The following CBY1 variants were observed in gnomAD, a reference collection of about 807,000 sequenced individuals.
CBY1 encodes chibby 1, beta catenin antagonist, also known as protein chibby homolog 1.
A neutral mutation model predicts 15.6 loss-of-function variants in CBY1; 10 were observed. The observed-to-expected ratio is 0.64, with a 90% CI of 0.40 to 1.09. The LOEUF is 1.09. CBY1 is among the 50% of genes least tolerant of loss of function. CBY1 has a pLI of 0.01. For missense variants in CBY1, 150 were observed against 160.5 expected (o/e 0.93, Z 0.35); for synonymous variants, 61 against 63.5 (o/e 0.96, Z 0.19).
At chr22:38,667,014 A>C (rs561618808) in intron 1 of CBY1, among the ~76,000 whole-genome samples, 36 of 101,412 alleles carry the variant, frequency 3.5e-4, no homozygotes, top group Admixed American at 8.0e-4. Context: ...TTCTTTCTTT[A>C]TTTTTTTTTT....
chr22:38,666,895 G>A (rs1366788943), intron 1 of CBY1, among the ~76,000 whole-genome samples: 1 of 151,780 alleles, frequency 6.6e-6, no homozygotes, highest in African/African-American at 2.4e-5. Flanking sequence ...GTAGAGACAG[G>A]GTTTCACCAC....
chr22:38,672,319 T>A (rs1192265610), intron 4 of CBY1, among the ~76,000 whole-genome samples: 1 of 151,772 alleles, frequency 6.6e-6, no homozygotes, highest in Non-Finnish European at 1.5e-5. Flanking sequence ...TTATTTTTAT[T>A]TTTATTTATT....
chr22:38,668,302 G>A, intron 2 of CBY1, 170 bp downstream of exon 2: 5 of 553,866 alleles, frequency 9.0e-6, no homozygotes, highest in East Asian at 3.1e-5. Context: ...GGGAATGATC[G>A]TCAGAGCTTG....
chr22:38,673,390 G>C lies in CBY1; in HGVS notation c.*154G>C. 1 of 570,416 alleles carries C rather than the reference G, an allele frequency of 1.8e-6. No individual in the cohort carries two copies. The highest frequency in any genetic ancestry group is 3.2e-6 in the Non-Finnish European group (1 of 308,286). The allele number at this position is 570,416 out of a possible 1,614,324, so 35.3% of individuals were successfully genotyped here. ...GCAATAGAAGGTGACATGGAATGGA[G>C]AAAACCAAGATTCCAGATGGGGATA... On this transcript the variant is annotated 3_prime_UTR_variant, in exon 5 of 5. Coordinates refer to ENST00000216029, the MANE Select transcript of CBY1 (RefSeq NM_015373.4).
At chr22:38,673,125 T>TGCTGCTTGCTAACAGCC in intron 4 of CBY1, 34 bp from the exon 5 acceptor site, 1 of 1,497,014 alleles carries the variant, frequency 6.7e-7, no homozygotes, top group Non-Finnish European at 9.3e-7. Context: ...CCTAGAAATG[T>TGCTGCTTGCTAACAGCC]GCTGCTTGCT....
At chr22:38,662,944 A>G (rs2092425986) in intron 1 of CBY1, among the ~76,000 whole-genome samples, 1 of 151,940 alleles carries the variant, frequency 6.6e-6, no homozygotes, top group African/African-American at 2.4e-5. Context: ...ACATGGCGAA[A>G]CACCATCTCT....
intron 1 of CBY1, chr22:38,657,054 A>T: frequency 3.5e-6 from 3 of 866,058 alleles, no homozygotes; most frequent in Non-Finnish European, 4.2e-6. Context: ...TCTGCGTAAC[A>T]TGGCTACCTC....
Position 38,670,925 on chromosome 22 carries a change from C to T in CBY1, c.120C>T (p.Tyr40=), listed in dbSNP as rs896550483. The change falls in exon 3 of 5, where the codon TAC becomes TAT. Residue 40 remains tyrosine (Y), a synonymous_variant. Coordinates refer to ENST00000216029, the MANE Select transcript of CBY1 (RefSeq NM_015373.4). ...STREVELGLE[Y]GSPTMNLAGQ... is the part of the protein sequence containing the mutation. ...GGGAGGTGGAGCTGGGCTTGGAATA[C>T]GGATCCCCGACTATGAACCTGGCAG... 5.0e-6 allele frequency: 8 copies of T among 1,614,014 alleles called. No individual in the cohort carries two copies. The highest frequency in any genetic ancestry group is 1.7e-5 in the Admixed American group (1 of 59,992).
Position 38,668,100 on chromosome 22 carries a change from C to T in CBY1, c.46C>T (p.Arg16Trp), listed in dbSNP as rs745847765. 11 of 1,613,240 alleles carry T rather than the reference C, an allele frequency of 6.8e-6. No individual in the cohort carries two copies. The highest frequency in any genetic ancestry group is 4.0e-5 in the African/African-American group (3 of 74,894). ...NTFSPKKTPP[R>W]KSASLSNLHS... ...GTTCAGTCCGAAGAAGACACCTCCT[C>T]GGAAGTCGGCATCTCTCTCCAACCT... Residue 16 changes from arginine (R) to tryptophan (W), a missense_variant, in exon 2 of 5, where the codon CGG becomes TGG. Arg to Trp is a moderately radical substitution (Grantham distance 101). Transcript: ENST00000216029.
intron 1 of CBY1, among the ~76,000 whole-genome samples, chr22:38,659,602 C>G (rs1034174545): frequency 1.3e-5 from 2 of 152,042 alleles, no homozygotes; most frequent in African/African-American, 4.8e-5. Flanking sequence ...GTGGCTCACA[C>G]CTGTCGTCCC....
intron 2 of CBY1, among the ~76,000 whole-genome samples, chr22:38,669,208 G>T (rs940075416): frequency 1.3e-5 from 2 of 152,078 alleles, no homozygotes; most frequent in Admixed American, 1.3e-4. Context: ...CGTTATTACA[G>T]GATAACCACC....
chr22:38,665,507 T>G, intron 1 of CBY1: 1 of 394,464 alleles, frequency 2.5e-6, no homozygotes, highest in Non-Finnish European at 4.5e-6. Context: ...AATGTCCATC[T>G]TCTGTAGACA....
At chr22:38,662,681 A>T (rs2092425441) in intron 1 of CBY1, among the ~76,000 whole-genome samples, 1 of 152,068 alleles carries the variant, frequency 6.6e-6, no homozygotes, top group Non-Finnish European at 1.5e-5. Flanking sequence ...TGGTAGAGAC[A>T]GGGTTTTGTT....
intron 1 of CBY1, chr22:38,665,725 C>G (rs746357881): frequency 8.1e-6 from 10 of 1,229,732 alleles, no homozygotes; most frequent in Non-Finnish European, 1.0e-5. Context: ...GTATCCCAAT[C>G]TGGAGGGTGG....
chr22:38,668,261 T>C, intron 2 of CBY1, 129 bp downstream of exon 2: 1 of 593,192 alleles, frequency 1.7e-6, no homozygotes, highest in South Asian at 2.2e-5. Context: ...ATATCATTGC[T>C]ATTGCGGAAA....
intron 4 of CBY1, among the ~76,000 whole-genome samples, chr22:38,672,772 G>A (rs2145789567): frequency 6.6e-6 from 1 of 152,258 alleles, no homozygotes. Context: ...GAGGAAAGTG[G>A]CATTCTATTT....
intron 1 of CBY1, among the ~76,000 whole-genome samples, chr22:38,659,393 C>T (rs1180532086): frequency 4.6e-5 from 7 of 151,748 alleles, no homozygotes; most frequent in Non-Finnish European, 8.8e-5. Flanking sequence ...GGATTACAGG[C>T]GTGTGCCACC....
In CBY1 at chr22:38,673,769, A is replaced by C. The variant is rs955646035; in HGVS notation, c.*533A>C. 2.6e-5 allele frequency: 4 copies of C among 153,088 alleles called. No homozygotes were observed. Among genetic ancestry groups the C allele is most frequent in the Non-Finnish European group, 2.9e-5 (2 of 68,648 alleles). 9.5% of individuals were successfully genotyped at this position (153,088 alleles called of 1,614,324 possible). On this transcript the variant is annotated 3_prime_UTR_variant, in exon 5 of 5. Transcript: ENST00000216029. The stretch of plus-strand genomic sequence containing the variant: ...TGGCTTCAGCTTCTCAGCAGCAAGC[A>C]CCAGCCTTCCACAACAACACTATAT...
In CBY1 at chr22:38,666,077, A is replaced by G. The variant is rs186182791; in HGVS notation, c.-38-1940A>G. On this transcript the variant is annotated intron_variant, in intron 1 of 4. Transcript: ENST00000216029. ...GGTCTTGAACTCTTGGGCTCAAGCAATCCTCTCACCTTGGCCTCCCAAAGT... is the reference window on the plus strand; with the variant it reads ...GGTCTTGAACTCTTGGGCTCAAGCAGTCCTCTCACCTTGGCCTCCCAAAGT... Among the ~76,000 whole-genome samples, 4 of 151,506 alleles carry G rather than the reference A, an allele frequency of 2.6e-5. No homozygotes were observed. The East Asian group carries it at 5.8e-4, about 22-fold the overall frequency.
Sources: allele counts gnomAD v4.1 joint callset (sites outside exome capture counted in the v4.1 genomes callset), GRCh38; gene constraint gnomAD v4.1.1; transcripts MANE v1.5; gene names NCBI Gene and HGNC (gene_info 2026-07-23, HGNC 2026-07-21).